Variants in ZNF790 observed in about 807,000 individuals in gnomAD.
ZNF790 encodes the protein zinc finger protein 790.
Under a neutral mutation model 12.1 loss-of-function variants are expected in ZNF790, and 8 were observed. The observed-to-expected ratio is 0.66, with a 90% confidence interval of 0.39 to 1.19. The LOEUF (loss-of-function observed/expected upper bound fraction) is 1.19, where lower values mean the gene tolerates loss of function less well. Ranked by LOEUF, ZNF790 falls within the 50% of genes most tolerant of loss-of-function variation. The probability of loss-of-function intolerance (pLI) is 0.01; values close to 1 mark genes in which losing one functional copy is unlikely to be tolerated. For missense variants in ZNF790, 707 were observed against 752.2 expected (o/e 0.94, Z 0.70); for synonymous variants, 252 against 244.3 (o/e 1.03, Z -0.29).
Position 36,818,421 on chromosome 19 carries a change from T to C in ZNF790, c.*12A>G. 1 of 1,517,276 alleles carries C rather than the reference T, an allele frequency of 6.6e-7. No individual in the cohort carries two copies. The highest frequency in any genetic ancestry group is 8.8e-7 in the Non-Finnish European group (1 of 1,131,938). The allele number at this position is 1,517,276 out of a possible 1,614,324, so 94.0% of individuals were successfully genotyped here. On this transcript the variant is annotated 3_prime_UTR_variant, in exon 5 of 5. Coordinates refer to ENST00000356725, the MANE Select transcript of ZNF790 (RefSeq NM_206894.4). ...CATGAATAAAGCCCTTCCTACACTT[T>C]TATATAATATTTCACAAGAGTGAAA...
chr19:36,846,260 G>C (rs1011050821), intron 1 of ZNF790, among the ~76,000 whole-genome samples: 1 of 152,152 alleles, frequency 6.6e-6, no homozygotes, highest in Non-Finnish European at 1.5e-5. Context: ...ACCTGGCACA[G>C]ATAAGGAGCT....
chr19:36,823,294 G>A lies in ZNF790; in HGVS notation c.220C>T (p.Pro74Ser). ...TTCAGCCCTCACTCACCTGGGCAAG[G>A]TCCTCTTGTCTCATCCCTCAAAATC... is the stretch of plus-strand genomic sequence containing the variant. ...WKILRDETRG[P>S]CPDMQSRCQT... Residue 74 changes from proline (P) to serine (S), a missense_variant, in exon 4 of 5, where the codon CCT (proline) becomes TCT (serine). Transcript: ENST00000356725. 6.2e-7 allele frequency: 1 copy of A among 1,613,876 alleles called. No homozygotes were observed. Among genetic ancestry groups the A allele is most frequent in the South Asian group, 1.1e-5 (1 of 91,058 alleles).
chr19:36,847,548 G>C (rs959646876), intron 1 of ZNF790, among the ~76,000 whole-genome samples: 1 of 149,298 alleles, frequency 6.7e-6, no homozygotes, highest in South Asian at 2.1e-4. Context: ...TCAGGAGTTC[G>C]AGACAAGCCT....
intron 1 of ZNF790, among the ~76,000 whole-genome samples, chr19:36,844,727 G>A (rs951078971): frequency 1.3e-4 from 20 of 152,146 alleles, no homozygotes; most frequent in Non-Finnish European, 4.4e-5. Context: ...CAGACCATGA[G>A]AATCCATTGC....
intron 1 of ZNF790, among the ~76,000 whole-genome samples, chr19:36,834,243 C>CA (rs751627349): frequency 0.046 from 1,555 of 33,460 alleles, 38 homozygotes; most frequent in Non-Finnish European, 0.061. Flanking sequence ...AACTCCATCT[C>CA]AAAAAAAAAA....
At chr19:36,846,907 C>T (rs1255380285) in intron 1 of ZNF790, among the ~76,000 whole-genome samples, 1 of 152,172 alleles carries the variant, frequency 6.6e-6, no homozygotes, top group Admixed American at 6.5e-5. Context: ...ATGAGCACAG[C>T]TTACATATGC....
intron 1 of ZNF790, among the ~76,000 whole-genome samples, chr19:36,847,862 C>T (rs1021452029): frequency 1.4e-4 from 22 of 152,234 alleles, no homozygotes; most frequent in African/African-American, 5.3e-4. Flanking sequence ...GGGTCCAGCC[C>T]TTCAGTACCT....
At chr19:36,842,042 G>T (rs1298894521), upstream of ZNF790, among the ~76,000 whole-genome samples, 3 of 152,080 alleles carry the variant, frequency 2.0e-5, no homozygotes, top group Non-Finnish European at 4.4e-5. Context: ...ACACATAAAA[G>T]AAAGTGTACA....
intron 1 of ZNF790, among the ~76,000 whole-genome samples, chr19:36,827,285 G>A (rs2071845930): frequency 6.6e-6 from 1 of 151,346 alleles, no homozygotes; most frequent in Non-Finnish European, 1.5e-5. Context: ...CACCAGACCG[G>A]GAAGCAACAG....
At chr19:36,846,029 G>C (rs1274046532) in intron 1 of ZNF790, among the ~76,000 whole-genome samples, 3 of 151,910 alleles carry the variant, frequency 2.0e-5, no homozygotes, top group Admixed American at 2.0e-4. Context: ...GGATGATCTC[G>C]AACTCCTGAC....
At position 36,819,136 on chromosome 19, in the gene ZNF790, T is replaced by C. The variant is rs756008691; in HGVS notation, c.1208A>G (p.Tyr403Cys). The change falls in exon 5 of 5, where the codon TAT (tyrosine) becomes TGT (cysteine). Residue 403 changes from tyrosine to cysteine, a missense_variant. Transcript: ENST00000356725. ...TCGAGCAAGGTGTGAGCTCCAAATA[T>C]AGGCTTTCCCACATTTCTCACATTT... Reference protein sequence around the residue: ...PYKCEKCGKAYIWSSHLARHQ... With the variant: ...PYKCEKCGKACIWSSHLARHQ... 34 of 1,613,442 alleles carry C rather than the reference T, an allele frequency of 2.1e-5. 1 individual carries two copies. The highest frequency in any genetic ancestry group is 1.5e-4 in the South Asian group (14 of 91,038).
At chr19:36,823,469 A>G in intron 3 of ZNF790, 89 bp from the exon 4 acceptor site, 5 of 1,352,150 alleles carry the variant, frequency 3.7e-6, no homozygotes, top group East Asian at 4.8e-5. Flanking sequence ...GAAGAGAAAC[A>G]ATTACAGGCA....
In ZNF790 at chr19:36,819,812, C is replaced by T; in HGVS notation, c.532G>A (p.Ala178Thr). The T allele has an allele frequency of 6.2e-7, 1 of 1,613,138 alleles. No homozygotes were observed. Among genetic ancestry groups the T allele is most frequent in the Non-Finnish European group, 8.5e-7 (1 of 1,179,430 alleles). The change falls in exon 5 of 5, where the codon GCC becomes ACC. Residue 178 changes from alanine (A) to threonine (T), a missense_variant. Transcript: ENST00000356725. ...KLNEFKELGK[A>T]FISGSDHTQH... ...GTATGATCTGAACCAGAAATAAAGG[C>T]TTTCCCCAGTTCTTTAAATTCATTC...
At chr19:36,837,286 C>T (rs2072065533) in intron 1 of ZNF790, among the ~76,000 whole-genome samples, 1 of 152,196 alleles carries the variant, frequency 6.6e-6, no homozygotes, top group South Asian at 2.1e-4. Flanking sequence ...TCTTCAACCA[C>T]TTCCTTGAAC....
At chr19:36,820,558 T>TA in intron 4 of ZNF790, among the ~76,000 whole-genome samples, 1 of 152,294 alleles carries the variant, frequency 6.6e-6, no homozygotes, top group Non-Finnish European at 1.5e-5. Flanking sequence ...AATAGCAGGG[T>TA]ATGCTGCATT....
rs756237372 is a variant in ZNF790, at chr19:36,819,709, T to G, written c.635A>C (p.Glu212Ala). ...ECGNTFLPDS[E>A]VIQYQTVHTV... ...GTGAACTGTCTGATATTGAATAACTTCTGAATCAGGAAGAAAGGTATTCCC... is the reference window on the plus strand; with the variant it reads ...GTGAACTGTCTGATATTGAATAACTGCTGAATCAGGAAGAAAGGTATTCCC... The change falls in exon 5 of 5, where the codon GAA becomes GCA. Residue 212 changes from glutamate (E) to alanine (A), a missense_variant. Transcript: ENST00000356725. 9.3e-6 allele frequency: 15 copies of G among 1,613,704 alleles called. No individual in the cohort carries two copies. In the Admixed American group the frequency reaches 2.5e-4, roughly 27 times the overall value.
chr19:36,847,494 A>C (rs537297279), intron 1 of ZNF790, among the ~76,000 whole-genome samples: 17 of 151,996 alleles, frequency 1.1e-4, no homozygotes, highest in African/African-American at 3.9e-4. Context: ...TCACGCCTGT[A>C]ATCCCAGCAC....
intron 2 of ZNF790, among the ~76,000 whole-genome samples, chr19:36,824,189 G>A (rs2071745651): frequency 6.6e-6 from 1 of 151,816 alleles, no homozygotes; most frequent in Non-Finnish European, 1.5e-5. Flanking sequence ...AGTAGAGACG[G>A]GGTTTCTCCG....
At position 36,819,513 on chromosome 19, in the gene ZNF790, A is replaced by G; in HGVS notation, c.831T>C (p.Thr277=). 2 of 1,612,776 alleles carry G rather than the reference A, an allele frequency of 1.2e-6. No homozygotes were observed. The highest frequency in any genetic ancestry group is 1.7e-6 in the Non-Finnish European group (2 of 1,179,192). The part of the protein sequence containing the change: ...SQLSVHKRIH[T]GEKSYECKEC... Reference sequence around the variant, plus strand: ...CCTTACATTCATAAGATTTCTCACCAGTATGAATTCGCTTATGGACACTAA... The same window carrying G: ...CCTTACATTCATAAGATTTCTCACCGGTATGAATTCGCTTATGGACACTAA... Residue 277 remains threonine, a synonymous_variant, in exon 5 of 5, where the codon ACT becomes ACC. Coordinates refer to ENST00000356725, the MANE Select transcript of ZNF790 (RefSeq NM_206894.4).
Sources: gnomAD v4.1 joint callset for allele counts (sites outside exome capture counted in the v4.1 genomes callset) on GRCh38, gnomAD v4.1.1 for gene constraint, MANE v1.5 for transcripts, NCBI Gene and HGNC (gene_info 2026-07-23, HGNC 2026-07-21) for gene names.